Variants in ABHD10 observed in about 807,000 individuals in gnomAD.
ABHD10 encodes abhydrolase domain containing 10, depalmitoylase, also known as palmitoyl-protein thioesterase ABHD10, mitochondrial.
In ABHD10, 22 loss-of-function variants were observed where a neutral mutation model predicts 33.1. The ratio of observed to expected loss-of-function variants is 0.66; its 90% confidence interval spans 0.47 to 0.95. ABHD10 has a LOEUF of 0.95. Ranked by LOEUF, ABHD10 falls within the 40% of genes least tolerant of loss-of-function variation. The pLI, the probability that ABHD10 is intolerant of heterozygous loss-of-function variation, is 0.00. For missense variants in ABHD10, 352 were observed against 379.9 expected (o/e 0.93, Z 0.61); for synonymous variants, 146 against 133.9 (o/e 1.09, Z -0.62).
In ABHD10 at chr3:111,986,280, G is replaced by A; in HGVS notation, c.343G>A (p.Val115Ile). The change falls in exon 3 of 5, where the codon GTT (valine) becomes ATT (isoleucine). Residue 115 changes from valine (V) to isoleucine (I), a missense_variant. By Grantham distance (29) the Val-to-Ile change is conservative. Transcript: ENST00000273359. ...TTTTTCCAGGTTTGATTACTCAGGA[G>A]TTGGAAGTTCAGATGGTAACTCAGA... Reference protein sequence around the residue: ...HACIRFDYSGVGSSDGNSEES... With the variant: ...HACIRFDYSGIGSSDGNSEES... 6.2e-7 allele frequency: 1 copy of A among 1,612,868 alleles called. No homozygotes were observed. Among genetic ancestry groups the A allele is most frequent in the Non-Finnish European group, 8.5e-7 (1 of 1,179,020 alleles).
chr3:111,983,485 G>C (rs917481046), intron 2 of ABHD10, among the ~76,000 whole-genome samples: 1 of 152,046 alleles, frequency 6.6e-6, no homozygotes, highest in South Asian at 2.1e-4. Context: ...CCTTCATAAA[G>C]AATAGTGCTT....
intron 2 of ABHD10, 157 bp downstream of exon 2, chr3:111,982,124 C>T (rs2072593016): frequency 1.5e-6 from 1 of 645,526 alleles, no homozygotes; most frequent in Non-Finnish European, 2.2e-6. Context: ...ATTTTAAAAG[C>T]AACCTTTAAA....
intron 4 of ABHD10, among the ~76,000 whole-genome samples, chr3:111,989,792 A>G (rs1033667957): frequency 2.7e-5 from 4 of 148,868 alleles, no homozygotes; most frequent in African/African-American, 9.9e-5. Context: ...TTGGAGACAT[A>G]TTTAGAAGTA....
At chr3:111,989,717 C>G (rs898855081) in intron 4 of ABHD10, among the ~76,000 whole-genome samples, 6 of 151,870 alleles carry the variant, frequency 4.0e-5, no homozygotes, top group Admixed American at 2.6e-4. Flanking sequence ...CAGAGAATGC[C>G]ATGATATTGA....
At chr3:111,987,639 G>A (rs1213469736) in intron 4 of ABHD10, among the ~76,000 whole-genome samples, 2 of 152,144 alleles carry the variant, frequency 1.3e-5, no homozygotes, top group African/African-American at 4.8e-5. Flanking sequence ...CAATGTAAGC[G>A]CTATGTAAAT....
At chr3:111,985,602 C>T (rs1225615232) in intron 2 of ABHD10, among the ~76,000 whole-genome samples, 2 of 151,904 alleles carry the variant, frequency 1.3e-5, no homozygotes, top group Non-Finnish European at 2.9e-5. Flanking sequence ...GAAAATGAAG[C>T]AGAGTAAAGA....
chr3:111,981,235 C>T (rs1301380859), intron 1 of ABHD10, among the ~76,000 whole-genome samples: 10 of 144,414 alleles, frequency 6.9e-5, no homozygotes, highest in South Asian at 2.2e-4. Context: ...CCTGAGGAGT[C>T]GAGGAAGTCC....
chr3:111,981,156 T>C (rs934729874), intron 1 of ABHD10, among the ~76,000 whole-genome samples: 3 of 151,464 alleles, frequency 2.0e-5, no homozygotes, highest in African/African-American at 7.3e-5. Flanking sequence ...ATACAAAAAT[T>C]AACCAGGTGT....
chr3:111,987,163 T>C, intron 4 of ABHD10, 112 bp downstream of exon 4: 3 of 1,246,976 alleles, frequency 2.4e-6, no homozygotes, highest in Middle Eastern at 5.4e-4. Flanking sequence ...TTTGACTTAC[T>C]GTGCTGGCCC....
chr3:111,986,754 T>A (rs1348325664), intron 3 of ABHD10, among the ~76,000 whole-genome samples, 160 bp from the exon 4 acceptor site: 1 of 152,272 alleles, frequency 6.6e-6, no homozygotes, highest in Non-Finnish European at 1.5e-5. Flanking sequence ...TCTTTAGATA[T>A]GAAAATGTTT....
intron 2 of ABHD10, among the ~76,000 whole-genome samples, chr3:111,985,101 CAGA>C: frequency 6.6e-6 from 1 of 152,276 alleles, no homozygotes; most frequent in Middle Eastern, 3.4e-3. Context: ...TGAAGTTCCT[CAGA>C]GGAGGTGACA....
intron 2 of ABHD10, among the ~76,000 whole-genome samples, chr3:111,983,933 C>G (rs1220221073): frequency 6.6e-6 from 1 of 152,052 alleles, no homozygotes; most frequent in Admixed American, 6.6e-5. Context: ...TTATCTTTGT[C>G]TCTGGATTGG....
Position 111,981,799 on chromosome 3 carries a change from C to T in ABHD10, c.158C>T (p.Thr53Met), listed in dbSNP as rs1263676050. The T allele has an allele frequency of 4.5e-6, 7 of 1,556,458 alleles. No homozygotes were observed. The highest frequency in any genetic ancestry group is 1.7e-4 in the Middle Eastern group (1 of 5,832). ...PRWLPACRQKTSLSFLNRPDL... is the reference protein window; with the variant it reads ...PRWLPACRQKMSLSFLNRPDL... ...CTTTGTTTAGCTTGTAGACAAAAGACGTCACTCTCATTCCTTAATCGACCA... is the reference window on the plus strand; with the variant it reads ...CTTTGTTTAGCTTGTAGACAAAAGATGTCACTCTCATTCCTTAATCGACCA... The change falls in exon 2 of 5, where the codon ACG becomes ATG. Residue 53 changes from threonine (T) to methionine (M), a missense_variant. By Grantham distance (81) the Thr-to-Met change is moderately conservative. Coordinates refer to ENST00000273359, the MANE Select transcript of ABHD10 (RefSeq NM_018394.4).
chr3:111,988,406 AT>A (rs1478260097), intron 4 of ABHD10, among the ~76,000 whole-genome samples: 1 of 151,858 alleles, frequency 6.6e-6, no homozygotes, highest in African/African-American at 2.4e-5. Context: ...CACCTTTGAC[AT>A]TTTGTGGATC....
In ABHD10 at chr3:111,992,201, G is replaced by T. The variant is rs2072749521; in HGVS notation, c.*480G>T. ...GAAGCATAATAAAGTTCACAATAAG[G>T]ATAATACTTTATATAATGTATAAAG... On this transcript the variant is annotated 3_prime_UTR_variant, in exon 5 of 5. Coordinates refer to ENST00000273359, the MANE Select transcript of ABHD10 (RefSeq NM_018394.4). The T allele has an allele frequency of 6.7e-6, 1 of 149,802 alleles. No homozygotes were observed. The highest frequency in any genetic ancestry group is 2.5e-5 in the African/African-American group (1 of 40,684). 9.3% of individuals were successfully genotyped at this position (149,802 alleles called of 1,614,324 possible).
chr3:111,987,100 T>G (rs752936469), intron 4 of ABHD10, 49 bp downstream of exon 4: 1 of 1,583,858 alleles, frequency 6.3e-7, no homozygotes, highest in South Asian at 1.2e-5. Context: ...CCGCTTATAC[T>G]TCTTCTGCTC....
rs777649525 is a variant in ABHD10, at chr3:111,991,595, C to T, written c.795C>T (p.Leu265=). The T allele has an allele frequency of 1.9e-6, 3 of 1,614,108 alleles. No homozygotes were observed. The highest frequency in any genetic ancestry group is 1.7e-5 in the Admixed American group (1 of 60,012). ...CAATGCAGGTTGCCGATCGAGTACTCAGCACAGATGTGGATGTCATCCTCC... is the reference window on the plus strand; with the variant it reads ...CAATGCAGGTTGCCGATCGAGTACTTAGCACAGATGTGGATGTCATCCTCC... ...HTSMQVADRV[L]STDVDVILRK... is the part of the protein sequence containing the mutation. The change falls in exon 5 of 5, where the codon CTC becomes CTT. Residue 265 remains leucine (L), a synonymous_variant. Transcript: ENST00000273359.
At chr3:111,987,662 G>T (rs1428097751) in intron 4 of ABHD10, among the ~76,000 whole-genome samples, 1 of 152,162 alleles carries the variant, frequency 6.6e-6, no homozygotes, top group Non-Finnish European at 1.5e-5. Context: ...TTGCTATACT[G>T]TATCGTTTAG....
chr3:111,980,829 AAC>A (rs919538171), intron 1 of ABHD10, among the ~76,000 whole-genome samples: 2 of 152,194 alleles, frequency 1.3e-5, no homozygotes, highest in African/African-American at 4.8e-5. Flanking sequence ...CTGCTCATTG[AAC>A]CCACCTCAGC....
Sources: allele counts gnomAD v4.1 joint callset (sites outside exome capture counted in the v4.1 genomes callset), GRCh38; gene constraint gnomAD v4.1.1; transcripts MANE v1.5; gene names NCBI Gene and HGNC (gene_info 2026-07-23, HGNC 2026-07-21).